DNAJB4: variants seen among roughly 807,000 people sequenced by gnomAD.
DNAJB4 encodes the protein dnaJ homolog subfamily B member 4.
DNAJB4 carries 10 observed loss-of-function variants against 26.6 expected under a neutral mutation model. The ratio of observed to expected loss-of-function variants is 0.38; its 90% CI spans 0.23 to 0.64. The LOEUF (loss-of-function observed/expected upper bound fraction) is 0.64, where lower values mean the gene tolerates loss of function less well. DNAJB4 is among the 30% of genes least tolerant of loss of function. The pLI is 0.58. For missense variants in DNAJB4, 328 were observed against 408.2 expected, an observed-to-expected ratio of 0.80 and a Z score of 1.69; for synonymous variants, 136 against 134.8, an observed-to-expected ratio of 1.01 and a Z score of -0.06.
chr1:78,008,350 A>G (rs1660383604), intron 1 of DNAJB4, among the ~76,000 whole-genome samples: 1 of 152,252 alleles, frequency 6.6e-6, no homozygotes. Flanking sequence ...TGAAAGCACC[A>G]TAAATTGGTG....
intron 1 of DNAJB4, among the ~76,000 whole-genome samples, chr1:77,985,034 G>A (rs1227735143): frequency 6.6e-6 from 1 of 152,176 alleles, no homozygotes; most frequent in Non-Finnish European, 1.5e-5. Flanking sequence ...CGGTGTTTGG[G>A]TTGGAGGTTT....
At chr1:78,003,735 C>T (rs1482491651), upstream of DNAJB4, among the ~76,000 whole-genome samples, 1 of 151,992 alleles carries the variant, frequency 6.6e-6, no homozygotes, top group Non-Finnish European at 1.5e-5. Context: ...TAGAAAATGT[C>T]TCATAAATAC....
intron 2 of DNAJB4, 152 bp from the exon 3 acceptor site, chr1:78,015,862 T>G: frequency 1.3e-6 from 1 of 747,238 alleles, no homozygotes; most frequent in Non-Finnish European, 2.1e-6. Context: ...GAAGGAATTT[T>G]CTAATGAGGA....
At chr1:77,983,416 T>A (rs1184088561) in intron 1 of DNAJB4, among the ~76,000 whole-genome samples, 1 of 152,186 alleles carries the variant, frequency 6.6e-6, no homozygotes, top group Non-Finnish European at 1.5e-5. Context: ...GCACAGACCC[T>A]TTACGGGTGT....
chr1:77,994,274 T>C (rs561694615), intron 1 of DNAJB4, among the ~76,000 whole-genome samples: 37 of 152,038 alleles, frequency 2.4e-4, no homozygotes, highest in African/African-American at 8.4e-4. Flanking sequence ...GGCACATGCC[T>C]GTAGTCCCAG....
chr1:77,991,336 T>G (rs1023610027), intron 1 of DNAJB4, among the ~76,000 whole-genome samples: 2 of 152,174 alleles, frequency 1.3e-5, no homozygotes, highest in South Asian at 2.1e-4. Context: ...TATTTGTCAG[T>G]TCTGTATTTA....
At chr1:78,005,375 TTTC>T (rs1043184548) in intron 1 of DNAJB4, 54 bp downstream of exon 1, 10 of 1,354,248 alleles carry the variant, frequency 7.4e-6, no homozygotes, top group Admixed American at 3.2e-5. Context: ...CTTTTTTTTT[TTTC>T]TCTCTCTCTG....
At chr1:78,007,879 T>C (rs1169608665) in intron 1 of DNAJB4, among the ~76,000 whole-genome samples, 1 of 151,950 alleles carries the variant, frequency 6.6e-6, no homozygotes, top group African/African-American at 2.4e-5. Context: ...TTCTTCCCGC[T>C]CCCCCCAAGT....
chr1:77,983,427 C>T (rs1035409381), intron 1 of DNAJB4, among the ~76,000 whole-genome samples: 3 of 152,152 alleles, frequency 2.0e-5, no homozygotes, highest in Non-Finnish European at 2.9e-5. Context: ...TTACGGGTGT[C>T]GGGCTTGGGG....
chr1:78,006,726 A>G (rs539797150), intron 1 of DNAJB4, among the ~76,000 whole-genome samples: 25 of 152,348 alleles, frequency 1.6e-4, no homozygotes, highest in Non-Finnish European at 2.9e-4. Flanking sequence ...TCAATCTTGC[A>G]TGATACCTAT....
intron 1 of DNAJB4, among the ~76,000 whole-genome samples, chr1:78,006,830 AGTAATTTT>A (rs1247261494): frequency 6.6e-6 from 1 of 152,206 alleles, no homozygotes; most frequent in African/African-American, 2.4e-5. Flanking sequence ...TTTCTAAAGG[AGTAATTTT>A]GTAATTTTGT....
intron 1 of DNAJB4, among the ~76,000 whole-genome samples, chr1:78,009,845 C>G (rs575923704): frequency 6.6e-6 from 1 of 152,080 alleles, no homozygotes; most frequent in African/African-American, 2.4e-5. Flanking sequence ...AGGCTGATCT[C>G]GAACTCCAGA....
intron 1 of DNAJB4, among the ~76,000 whole-genome samples, chr1:77,994,243 G>GA (rs1428397290): frequency 6.6e-6 from 1 of 151,478 alleles, no homozygotes; most frequent in Non-Finnish European, 1.5e-5. Flanking sequence ...CTCTACAAAA[G>GA]AAAAAATAGC....
At chr1:78,002,104 C>A (rs908011231), upstream of DNAJB4, among the ~76,000 whole-genome samples, 1 of 151,986 alleles carries the variant, frequency 6.6e-6, no homozygotes, top group Non-Finnish European at 1.5e-5. Flanking sequence ...TAGACTATTT[C>A]TATGTATTTT....
At chr1:77,999,430 GTT>G (rs35421680) in intron 1 of DNAJB4, among the ~76,000 whole-genome samples, 5 of 145,130 alleles carry the variant, frequency 3.4e-5, no homozygotes, top group Admixed American at 6.9e-5. Context: ...CATAGAACAG[GTT>G]TTTTTTTTTT....
chr1:78,015,504 CCTTTTTTT>C (rs1660611838), intron 2 of DNAJB4, among the ~76,000 whole-genome samples: 1 of 128,890 alleles, frequency 7.8e-6, no homozygotes, highest in South Asian at 2.5e-4. Context: ...AAGGAATTTT[CCTTTTTTT>C]CTTTTCTTTT....
intron 1 of DNAJB4, among the ~76,000 whole-genome samples, chr1:77,998,361 C>T (rs1660113379): frequency 6.6e-6 from 1 of 152,086 alleles, no homozygotes; most frequent in African/African-American, 2.4e-5. Flanking sequence ...TGACAAATTC[C>T]AAATATAATG....
intron 1 of DNAJB4, among the ~76,000 whole-genome samples, chr1:77,991,163 C>T (rs921176309): frequency 3.3e-5 from 5 of 152,188 alleles, no homozygotes; most frequent in Non-Finnish European, 7.3e-5. Flanking sequence ...CACCTACACA[C>T]ATGCCCTATT....
intron 2 of DNAJB4, among the ~76,000 whole-genome samples, chr1:78,014,816 G>C (rs182448090): frequency 2.6e-5 from 4 of 151,954 alleles, no homozygotes; most frequent in Non-Finnish European, 4.4e-5. Flanking sequence ...GGCCAGGCTC[G>C]TCTTGAACTC....
Sources: gnomAD v4.1 joint callset for allele counts (sites outside exome capture counted in the v4.1 genomes callset) on GRCh38, gnomAD v4.1.1 for gene constraint, MANE v1.5 for transcripts, NCBI Gene and HGNC (gene_info 2026-07-23, HGNC 2026-07-21) for gene names.